POGLUT3: variants seen among roughly 807,000 people sequenced by gnomAD.
The protein encoded by POGLUT3 is KDEL (Lys-Asp-Glu-Leu) containing 2.
POGLUT3 carries 48 observed loss-of-function variants against 54.3 expected under a neutral mutation model. The ratio of observed to expected loss-of-function variants is 0.88; its 90% CI spans 0.70 to 1.12. The LOEUF (loss-of-function observed/expected upper bound fraction) is 1.12. Among genes scored for constraint, POGLUT3 ranks in the 50% most tolerant of loss-of-function variants. The probability of loss-of-function intolerance (pLI) is 0.00; values close to 1 mark genes in which losing one functional copy is unlikely to be tolerated. For synonymous variants in POGLUT3, 218 were observed against 237.4 expected (o/e 0.92, Z 0.75); for missense variants, 629 against 618.7 (o/e 1.02, Z -0.18).
At position 108,481,328 on chromosome 11, in the gene POGLUT3, T is replaced by G. The variant is rs2093592028; in HGVS notation, c.950A>C (p.Asp317Ala). ...CAACTGGAGCCTCTCCTCTCGGCTG[T>G]CTCTACCTCTGAAGAAAGCTCTCTC... ...KTERAFFRGR[D>A]SREERLQLVQ... Residue 317 changes from aspartate (D) to alanine (A), a missense_variant, in exon 5 of 8, where the codon GAC becomes GCC. Asp to Ala is a moderately radical substitution (Grantham distance 126). Coordinates refer to ENST00000323468, the MANE Select transcript of POGLUT3 (RefSeq NM_153705.5). The G allele has an allele frequency of 1.2e-6, 2 of 1,605,094 alleles. No individual in the cohort carries two copies. Among genetic ancestry groups the G allele is most frequent in the African/African-American group, 2.7e-5 (2 of 74,338 alleles).
chr11:108,486,496 G>A lies in POGLUT3; in HGVS notation c.401-56C>T, dbSNP rs2093603748. ...CTCCATTAGCAAGCACCACAACACA[G>A]GGAGTCACTTCTGTCTCTGCTTCTT... On this transcript the variant is annotated intron_variant, in intron 2 of 7. Transcript: ENST00000323468. 6 of 1,539,126 alleles carry A rather than the reference G, an allele frequency of 3.9e-6. No individual in the cohort carries two copies. The South Asian group carries it at 4.7e-5, about 12-fold the overall frequency.
In POGLUT3 at chr11:108,486,522, G is replaced by A; in HGVS notation, c.401-82C>T. 3 of 1,378,028 alleles carry A rather than the reference G, an allele frequency of 2.2e-6. No individual in the cohort carries two copies. In the South Asian group the frequency reaches 4.0e-5, roughly 18 times the overall value. 85.4% of individuals were successfully genotyped at this position (1,378,028 alleles called of 1,614,324 possible). A position where few individuals can be genotyped will look rare whatever the true frequency, so the allele number is the denominator to read the frequency against. ...GGAGTCACTTCTGTCTCTGCTTCTT[G>A]GTGAATTCTAAGATTATCCAGAGAT... On this transcript the variant is annotated intron_variant, in intron 2 of 7. Coordinates refer to ENST00000323468, the MANE Select transcript of POGLUT3 (RefSeq NM_153705.5).
In POGLUT3 at chr11:108,472,409, C is replaced by T. The variant is rs559303050; in HGVS notation, c.*2418G>A. 3.9e-5 allele frequency: 6 copies of T among 152,272 alleles called. No homozygotes were observed. In the East Asian group the frequency reaches 7.7e-4, roughly 20 times the overall value. The allele number at this position is 152,272 out of a possible 1,614,324, so 9.4% of individuals were successfully genotyped here. On this transcript the variant is annotated 3_prime_UTR_variant, in exon 8 of 8. Coordinates refer to ENST00000323468, the MANE Select transcript of POGLUT3 (RefSeq NM_153705.5). ...CTCCTCAGATATTGGTGAATCTCCTCCCAAACTTTCAACCACATAGATGCA... is the reference window on the plus strand; with the variant it reads ...CTCCTCAGATATTGGTGAATCTCCTTCCAAACTTTCAACCACATAGATGCA...
intron 3 of POGLUT3, among the ~76,000 whole-genome samples, chr11:108,485,466 A>T (rs2093601234): frequency 6.6e-6 from 1 of 152,140 alleles, no homozygotes; most frequent in South Asian, 2.1e-4. Flanking sequence ...ATCCCTATTT[A>T]AAAATAAATA....
intron 7 of POGLUT3, 138 bp downstream of exon 7, chr11:108,477,469 A>G: frequency 8.1e-6 from 5 of 614,186 alleles, no homozygotes; most frequent in Non-Finnish European, 2.9e-6. Flanking sequence ...ATCTTTCCCT[A>G]GGCAAGTGCC....
intron 3 of POGLUT3, among the ~76,000 whole-genome samples, chr11:108,485,156 C>A (rs957670624): frequency 1.3e-4 from 19 of 151,502 alleles, no homozygotes; most frequent in Admixed American, 4.6e-4. Flanking sequence ...AAAAAAAAAA[C>A]AACCTGTTTC....
chr11:108,491,233 G>C (rs1278428988), intron 1 of POGLUT3, 66 bp from the exon 2 acceptor site: 2 of 1,278,230 alleles, frequency 1.6e-6, no homozygotes, highest in Non-Finnish European at 2.2e-6. Context: ...TATTGGATAG[G>C]TGTTATTGGA....
intron 2 of POGLUT3, among the ~76,000 whole-genome samples, chr11:108,487,573 TTTTC>T (rs938953501): frequency 2.0e-5 from 3 of 152,144 alleles, no homozygotes; most frequent in Admixed American, 6.5e-5. Context: ...CTCTCTTCTT[TTTTC>T]TTTCTTTCTT....
intron 3 of POGLUT3, among the ~76,000 whole-genome samples, chr11:108,482,990 C>T (rs1412051139): frequency 2.6e-5 from 4 of 152,168 alleles, no homozygotes. Context: ...TTTAGACTCT[C>T]ATCATTTCTT....
intron 1 of POGLUT3, among the ~76,000 whole-genome samples, chr11:108,497,196 A>T: frequency 6.6e-6 from 1 of 152,234 alleles, no homozygotes; most frequent in African/African-American, 2.4e-5. Flanking sequence ...CCAAACACAG[A>T]AGTAGACATC....
chr11:108,497,692 C>A (rs2093624555), intron 1 of POGLUT3, among the ~76,000 whole-genome samples: 1 of 152,218 alleles, frequency 6.6e-6, no homozygotes, highest in Non-Finnish European at 1.5e-5. Flanking sequence ...ACGTAAACCC[C>A]TCCTCCTTCC....
At chr11:108,490,366 A>C (rs902499140) in intron 2 of POGLUT3, among the ~76,000 whole-genome samples, 1 of 152,020 alleles carries the variant, frequency 6.6e-6, no homozygotes, top group African/African-American at 2.4e-5. Context: ...ATGCCTGGCT[A>C]ATTTTTGTAT....
chr11:108,486,646 G>T, intron 2 of POGLUT3: 1 of 548,340 alleles, frequency 1.8e-6, no homozygotes, highest in Non-Finnish European at 3.2e-6. Flanking sequence ...TTTAGTATAT[G>T]CCCTCTCCCA....
chr11:108,493,802 T>TCAA (rs1555183745), intron 1 of POGLUT3, among the ~76,000 whole-genome samples: 2 of 66,286 alleles, frequency 3.0e-5, no homozygotes, highest in East Asian at 6.7e-4. Context: ...AGACTCTGTC[T>TCAA]CAAAAAAAAA....
intron 5 of POGLUT3, 69 bp downstream of exon 5, chr11:108,481,111 A>G: frequency 7.9e-7 from 1 of 1,261,026 alleles, no homozygotes; most frequent in Non-Finnish European, 1.1e-6. Context: ...GCTGAAGCCC[A>G]CCTATTTTGG....
intron 1 of POGLUT3, among the ~76,000 whole-genome samples, chr11:108,492,386 C>A (rs28690878): frequency 0.063 from 9,629 of 152,170 alleles, 977 homozygotes; most frequent in African/African-American, 0.21. Context: ...ATCACCATAT[C>A]AAAGGAAAAT....
chr11:108,488,093 A>G (rs11212674), intron 2 of POGLUT3, among the ~76,000 whole-genome samples: 26,502 of 151,096 alleles, frequency 0.18, 2,549 homozygotes, highest in African/African-American at 0.23. Context: ...GTGTGATCTC[A>G]GCTCACTGCA....
intron 1 of POGLUT3, among the ~76,000 whole-genome samples, chr11:108,491,687 T>C (rs1436485801): frequency 6.6e-6 from 1 of 152,194 alleles, no homozygotes; most frequent in Non-Finnish European, 1.5e-5. Context: ...CAGAGCTTGG[T>C]CTGGTTCATG....
chr11:108,476,785 A>G (rs1249570947), intron 7 of POGLUT3, among the ~76,000 whole-genome samples: 1 of 152,176 alleles, frequency 6.6e-6, no homozygotes. Flanking sequence ...TAGAACTGTT[A>G]TACATATTTC....
Sources: allele counts gnomAD v4.1 joint callset (sites outside exome capture counted in the v4.1 genomes callset), GRCh38; gene constraint gnomAD v4.1.1; transcripts MANE v1.5; gene names NCBI Gene and HGNC (gene_info 2026-07-23, HGNC 2026-07-21).